The following CFHR1 variants were observed in gnomAD, a reference collection of about 807,000 sequenced individuals.
CFHR1 encodes the protein complement factor H related 1, also known as complement factor H-related protein 1.
A neutral mutation model predicts 30.4 loss-of-function variants in CFHR1; 22 were observed. That is an observed-to-expected ratio of 0.72 (90% confidence interval 0.52 to 1.03). The LOEUF is 1.03. CFHR1 is among the 50% of genes least tolerant of loss of function. CFHR1 has a pLI of 0.00. For synonymous variants in CFHR1, 95 were observed against 129.1 expected, an observed-to-expected ratio of 0.74 and a Z score of 1.79; for missense variants, 248 against 380.6, an observed-to-expected ratio of 0.65 and a Z score of 2.90.
intron 2 of CFHR1, among the ~76,000 whole-genome samples, 189 bp from the exon 3 acceptor site, chr1:196,826,640 G>C (rs1462919953): frequency 7.4e-6 from 1 of 134,290 alleles, no homozygotes. Flanking sequence ...ACTAGAAACA[G>C]GGTTTCACCA....
intron 4 of CFHR1, among the ~76,000 whole-genome samples, chr1:196,830,183 T>C (rs1433293576): frequency 7.4e-6 from 1 of 135,904 alleles, no homozygotes; most frequent in Non-Finnish European, 1.6e-5. Flanking sequence ...GAATGTTGAA[T>C]ATGAAATAAG....
intron 1 of CFHR1, among the ~76,000 whole-genome samples, chr1:196,822,862 CA>C (rs1162202634): frequency 1.5e-5 from 2 of 134,614 alleles, no homozygotes; most frequent in Non-Finnish European, 3.1e-5. Flanking sequence ...ACGTACTGTA[CA>C]AAATTGTGTG....
chr1:196,822,971 G>C (rs543093870), intron 1 of CFHR1, among the ~76,000 whole-genome samples: 4 of 133,288 alleles, frequency 3.0e-5, no homozygotes, highest in Admixed American at 1.5e-4. Flanking sequence ...TGTTACGATG[G>C]CTATTAGGTG....
At position 196,828,070 on chromosome 1, in the gene CFHR1, A is replaced by G. The variant is rs1412907980; in HGVS notation, c.431A>G (p.Asp144Gly). 4 of 1,495,454 alleles carry G rather than the reference A, an allele frequency of 2.7e-6. 1 individual carries two copies. Among genetic ancestry groups the G allele is most frequent in the Admixed American group, 3.6e-5 (2 of 55,980 alleles). 92.6% of individuals were successfully genotyped at this position (1,495,454 alleles called of 1,614,324 possible). The change falls in exon 4 of 6, where the codon GAC becomes GGC. Residue 144 changes from aspartate (D) to glycine (G), a missense_variant and splice_region_variant. Asp to Gly is a moderately conservative substitution (Grantham distance 94, BLOSUM62 -1). Around this residue, in one of 3 missense-constraint regions of CFHR1, gnomAD observed 121 missense variants for 162.6 expected, o/e 0.74. Coordinates refer to ENST00000320493, the MANE Select transcript of CFHR1 (RefSeq NM_002113.3). ...WSTPPKCRST[D>G]TSCVNPPTVQ... ...AACCACTTCTTTTTTTTCTACTCAG[A>G]CACTTCCTGTGTGAATCCGCCCACA... is the stretch of plus-strand genomic sequence containing the variant.
rs432234 is a variant in CFHR1, at chr1:196,827,231, C to T, written c.430+226C>T. 0.47 allele frequency among the ~76,000 whole-genome samples: 63,329 copies of T among 133,360 alleles called. 21,382 individuals carry two copies. Among genetic ancestry groups the T allele is most frequent in the African/African-American group, 0.59 (18,103 of 30,898 alleles). 87.5% of individuals were successfully genotyped at this position (133,360 alleles called of 152,430 possible). ...CGCTAAACCGGTAGCATCATCATCT[C>T]CTTGGAGATTGTTTGAAATGAAAAT... On this transcript the variant is annotated intron_variant, in intron 3 of 5. Coordinates refer to ENST00000320493, the MANE Select transcript of CFHR1 (RefSeq NM_002113.3).
intron 2 of CFHR1, 93 bp from the exon 3 acceptor site, chr1:196,826,736 C>T (rs1446857207): frequency 8.4e-7 from 1 of 1,195,924 alleles, no homozygotes; most frequent in Admixed American, 1.9e-5. Context: ...CAGAGTGAGC[C>T]ACTTCACCCG....
intron 3 of CFHR1, 152 bp downstream of exon 3, chr1:196,827,157 A>G: frequency 2.2e-6 from 2 of 914,458 alleles, no homozygotes; most frequent in Admixed American, 4.4e-5. Flanking sequence ...TGGATGTTGA[A>G]TAACATAGTT....
intron 5 of CFHR1, 99 bp downstream of exon 5, chr1:196,830,781 T>G: frequency 7.1e-7 from 1 of 1,406,572 alleles, no homozygotes; most frequent in Non-Finnish European, 9.7e-7. Flanking sequence ...GAACAACCAT[T>G]CTGCTGAATG....
rs1010699349 is a variant in CFHR1 at position 196,823,705 on chromosome 1, A to G, written c.59-1772A>G. ...CTTATGCAGCAGTACTATATTGCAA[A>G]AATATCTTGACATAAAAACAAAGAG... On this transcript the variant is annotated intron_variant, in intron 1 of 5. Coordinates refer to ENST00000320493, the MANE Select transcript of CFHR1 (RefSeq NM_002113.3). 1.1e-4 allele frequency among the ~76,000 whole-genome samples: 15 copies of G among 135,894 alleles called. 2 individuals carry two copies. Among genetic ancestry groups the G allele is most frequent in the Admixed American group, 6.4e-4 (9 of 14,082 alleles). The allele number at this position is 135,894 out of a possible 152,430, so 89.2% of individuals were successfully genotyped here.
intron 1 of CFHR1, chr1:196,820,962 C>G (rs868295196): frequency 7.5e-6 from 1 of 133,690 alleles, no homozygotes; most frequent in East Asian, 2.0e-4. Flanking sequence ...GCGTCAGCCT[C>G]CCAAGTGGCT....
In CFHR1 at chr1:196,822,531, T is replaced by A. The variant is rs1214753066; in HGVS notation, c.58+2629T>A. 3.7e-5 allele frequency among the ~76,000 whole-genome samples: 5 copies of A among 133,702 alleles called. No homozygotes were observed. In the East Asian group the frequency reaches 7.9e-4, roughly 21 times the overall value. The allele number at this position is 133,702 out of a possible 152,430, so 87.7% of individuals were successfully genotyped here. A position where few individuals can be genotyped will look rare whatever the true frequency, so the allele number is the denominator to read the frequency against. On this transcript the variant is annotated intron_variant, in intron 1 of 5. Coordinates refer to ENST00000320493, the MANE Select transcript of CFHR1 (RefSeq NM_002113.3). ...TACTTATTTATTTACTTTTTAAACCTTTTTGTTAAAAACAGACACAAACAC... is the reference window on the plus strand; with the variant it reads ...TACTTATTTATTTACTTTTTAAACCATTTTGTTAAAAACAGACACAAACAC...
Position 196,828,076 on chromosome 1 carries a change from C to T in CFHR1, c.437C>T (p.Ser146Phe), listed in dbSNP as rs1296854050. 6.7e-7 allele frequency: 1 copy of T among 1,491,088 alleles called. No homozygotes were observed. Among genetic ancestry groups the T allele is most frequent in the African/African-American group, 1.9e-5 (1 of 52,084 alleles). The allele number at this position is 1,491,088 out of a possible 1,614,324, so 92.4% of individuals were successfully genotyped here. A position where few individuals can be genotyped will look rare whatever the true frequency, so the allele number is the denominator to read the frequency against. ...TPPKCRSTDT[S>F]CVNPPTVQNA... ...TTCTTTTTTTTCTACTCAGACACTT[C>T]CTGTGTGAATCCGCCCACAGTACAA... is the stretch of plus-strand genomic sequence containing the variant. The change falls in exon 4 of 6, where the codon TCC (serine) becomes TTC (phenylalanine). Residue 146 changes from serine to phenylalanine, a missense_variant. Ser to Phe is a radical substitution (Grantham distance 155). Transcript: ENST00000320493.
intron 1 of CFHR1, among the ~76,000 whole-genome samples, chr1:196,821,963 T>C (rs432109): frequency 0.43 from 51,343 of 120,178 alleles, 15,264 homozygotes; most frequent in East Asian, 0.53. Flanking sequence ...CTGTACTGAA[T>C]ACTGTGGGCA....
At chr1:196,822,904 T>C (rs1191275424) in intron 1 of CFHR1, among the ~76,000 whole-genome samples, 1 of 134,322 alleles carries the variant, frequency 7.4e-6, no homozygotes, top group East Asian at 2.0e-4. Context: ...GGCAATGCTG[T>C]AGGTTTGTTT....
chr1:196,825,722 G>T (rs1443210634), intron 2 of CFHR1, 51 bp downstream of exon 2: 2 of 1,434,940 alleles, frequency 1.4e-6, no homozygotes, highest in South Asian at 1.3e-5. Context: ...GAATAGAGAA[G>T]GATATGCCAG....
chr1:196,832,110 T>C lies in CFHR1; in HGVS notation c.*111T>C. 1 of 1,069,360 alleles carries C rather than the reference T, an allele frequency of 9.4e-7. No individual in the cohort carries two copies. The highest frequency in any genetic ancestry group is 1.3e-6 in the Non-Finnish European group (1 of 747,404). The allele number at this position is 1,069,360 out of a possible 1,614,324, so 66.2% of individuals were successfully genotyped here. A position where few individuals can be genotyped will look rare whatever the true frequency, so the allele number is the denominator to read the frequency against. ...TTTTATTCATACGTAAAATTTTGGATTAATTTGTGAAAATGTAATTATAAG... is the reference window on the plus strand; with the variant it reads ...TTTTATTCATACGTAAAATTTTGGACTAATTTGTGAAAATGTAATTATAAG... On this transcript the variant is annotated 3_prime_UTR_variant, in exon 6 of 6. Coordinates refer to ENST00000320493, the MANE Select transcript of CFHR1 (RefSeq NM_002113.3).
In CFHR1 at chr1:196,828,198, G is replaced by A. The variant is rs1427532475; in HGVS notation, c.559G>A (p.Glu187Lys). 2.4e-6 allele frequency: 3 copies of A among 1,242,382 alleles called. 1 individual carries two copies. The highest frequency in any genetic ancestry group is 3.2e-6 in the Non-Finnish European group (3 of 924,774). The allele number at this position is 1,242,382 out of a possible 1,614,324, so 77.0% of individuals were successfully genotyped here. ...CCCTTATGAAATGTTTGGGGATGAAGAAGTGATGTGTTTAAATGGAAACTG... is the reference window on the plus strand; with the variant it reads ...CCCTTATGAAATGTTTGGGGATGAAAAAGTGATGTGTTTAAATGGAAACTG... ...RSPYEMFGDE[E>K]VMCLNGNWTE... Residue 187 changes from glutamate to lysine, a missense_variant, in exon 4 of 6, where the codon GAA becomes AAA. Transcript: ENST00000320493.
intron 1 of CFHR1, chr1:196,820,863 G>C (rs1466931536): frequency 7.6e-6 from 1 of 132,362 alleles, no homozygotes; most frequent in Non-Finnish European, 1.5e-5. Context: ...TTTTGAGATG[G>C]ACTTTCACTC....
rs61334687 is a variant in CFHR1, at chr1:196,828,795, G to GT, written c.607+564dup. 8.9e-3 allele frequency among the ~76,000 whole-genome samples: 1,011 copies of GT among 113,334 alleles called. 159 individuals carry two copies. The highest frequency in any genetic ancestry group is 0.021 in the South Asian group (69 of 3,224). 74.4% of individuals were successfully genotyped at this position (113,334 alleles called of 152,430 possible). On this transcript the variant is annotated intron_variant, in intron 4 of 5. Coordinates refer to ENST00000320493, the MANE Select transcript of CFHR1 (RefSeq NM_002113.3). ...TGTTTTAAAATTAATGTTGTCCTGT[G>GT]TTTTTTTTTTTTTTTCACTATTTTA...
Sources: gnomAD v4.1 joint callset for allele counts (sites outside exome capture counted in the v4.1 genomes callset) on GRCh38, gnomAD v4.1.1 for gene constraint, gnomAD v4.1.1 regional missense constraint, MANE v1.5 for transcripts, NCBI Gene and HGNC (gene_info 2026-07-23, HGNC 2026-07-21) for gene names.